NRXN1: variants seen among roughly 807,000 people sequenced by gnomAD.
NRXN1 encodes the protein neurexin 1.
NRXN1 carries 39 observed loss-of-function variants against 150.9 expected under a neutral mutation model. That is an observed-to-expected ratio of 0.26 (90% CI 0.20 to 0.34). The LOEUF is 0.34. NRXN1 is among the 10% of genes least tolerant of loss of function. The pLI, the probability that NRXN1 is intolerant of heterozygous loss-of-function variation, is 1.00. For missense variants in NRXN1, 1,815 were observed against 1,949.9 expected, an observed-to-expected ratio of 0.93 and a Z score of 1.30; for synonymous variants, 924 against 757.0, an observed-to-expected ratio of 1.22 and a Z score of -3.62.
chr2:50,689,517 A>G (rs1691740068), intron 5 of NRXN1, among the ~76,000 whole-genome samples: 1 of 152,188 alleles, frequency 6.6e-6, no homozygotes, highest in Non-Finnish European at 1.5e-5. Context: ...TCAAAGTTAC[A>G]TTCTCTTTGA....
intron 22 of NRXN1, among the ~76,000 whole-genome samples, chr2:49,934,293 T>TTTCCA (rs1670634569): frequency 6.6e-6 from 1 of 152,096 alleles, no homozygotes; most frequent in Admixed American, 6.5e-5. Flanking sequence ...GCTCTGGAAT[T>TTTCCA]GCACAGTGTA....
chr2:50,440,564 A>G (rs1208942564), intron 17 of NRXN1, among the ~76,000 whole-genome samples: 1 of 152,146 alleles, frequency 6.6e-6, no homozygotes, highest in African/African-American at 2.4e-5. Flanking sequence ...GAGGACAAGG[A>G]GGATAAGATA....
In NRXN1 at chr2:50,568,295, G is replaced by C. The variant is rs1670168022; in HGVS notation, c.1321-15270C>G. Among the ~76,000 whole-genome samples, 9 of 152,040 alleles carry C rather than the reference G, an allele frequency of 5.9e-5. No homozygotes were observed. In the South Asian group the frequency reaches 1.9e-3, roughly 32 times the overall value. On this transcript the variant is annotated intron_variant, in intron 8 of 22. Coordinates refer to ENST00000401669, the MANE Select transcript of NRXN1 (RefSeq NM_001330078.2). ...AACCAAAGCAAAAATGGACAAATGG[G>C]ATCACATTAAGTTACAAAGCTTCTG...
chr2:50,937,943 C>A (rs1185296956), intron 2 of NRXN1, among the ~76,000 whole-genome samples: 4 of 152,142 alleles, frequency 2.6e-5, no homozygotes, highest in Non-Finnish European at 5.9e-5. Context: ...CCTAGGCTAT[C>A]TGGTATAGCT....
At chr2:50,137,114 A>T (rs1013967804) in intron 18 of NRXN1, among the ~76,000 whole-genome samples, 1 of 152,216 alleles carries the variant, frequency 6.6e-6, no homozygotes, top group East Asian at 1.9e-4. Flanking sequence ...TTGGGGAAGA[A>T]TGTGAGAATG....
intron 18 of NRXN1, among the ~76,000 whole-genome samples, chr2:50,159,777 T>G (rs199855934): frequency 1.3e-5 from 2 of 152,224 alleles, no homozygotes; most frequent in East Asian, 3.9e-4. Context: ...AGGAAGGATG[T>G]TCCAATGATA....
At chr2:50,182,373 G>C (rs952652029) in intron 18 of NRXN1, among the ~76,000 whole-genome samples, 3 of 152,012 alleles carry the variant, frequency 2.0e-5, no homozygotes, top group Non-Finnish European at 2.9e-5. Context: ...TCCTAGATTA[G>C]TGTCTGCGGG....
intron 17 of NRXN1, among the ~76,000 whole-genome samples, chr2:50,386,557 T>C (rs1434576372): frequency 1.3e-5 from 2 of 151,976 alleles, no homozygotes; most frequent in African/African-American, 4.8e-5. Context: ...TAAGCAAGTA[T>C]GCCCAACAAG....
At chr2:50,095,459 T>C (rs1700093736) in intron 18 of NRXN1, among the ~76,000 whole-genome samples, 1 of 152,184 alleles carries the variant, frequency 6.6e-6, no homozygotes. Context: ...TCTTGCAGTT[T>C]CCTACTTATT....
At chr2:50,636,422 A>G (rs1349967839) in intron 5 of NRXN1, among the ~76,000 whole-genome samples, 8 of 151,934 alleles carry the variant, frequency 5.3e-5, no homozygotes, top group Admixed American at 2.6e-4. Flanking sequence ...GTGATCTCCA[A>G]TGTTTCTTTC....
At chr2:50,369,454 G>A (rs900832662) in intron 17 of NRXN1, among the ~76,000 whole-genome samples, 1 of 151,890 alleles carries the variant, frequency 6.6e-6, no homozygotes. Flanking sequence ...CACATGGATT[G>A]ATCTTACAGG....
chr2:50,645,252 G>GATA (rs1236122842), intron 5 of NRXN1, among the ~76,000 whole-genome samples: 1 of 151,820 alleles, frequency 6.6e-6, no homozygotes, highest in East Asian at 1.9e-4. Context: ...TATTCAAAAT[G>GATA]TGATTCAAAA....
chr2:50,189,616 G>T (rs72887740), intron 18 of NRXN1, among the ~76,000 whole-genome samples: 1 of 152,032 alleles, frequency 6.6e-6, no homozygotes, highest in Non-Finnish European at 1.5e-5. Context: ...GTATATCTTG[G>T]TGGCAAATGA....
At chr2:50,520,621 T>G (rs1374368866) in intron 12 of NRXN1, among the ~76,000 whole-genome samples, 1 of 152,002 alleles carries the variant, frequency 6.6e-6, no homozygotes, top group Non-Finnish European at 1.5e-5. Context: ...TGATTACTTC[T>G]TCACTGCCTA....
intron 5 of NRXN1, among the ~76,000 whole-genome samples, chr2:50,858,769 A>G (rs1037737401): frequency 6.6e-6 from 1 of 152,128 alleles, no homozygotes; most frequent in African/African-American, 2.4e-5. Context: ...TGTAAATGTA[A>G]TATTTGCATT....
intron 18 of NRXN1, among the ~76,000 whole-genome samples, chr2:50,150,958 C>T (rs1046795215): frequency 2.0e-5 from 3 of 151,694 alleles, no homozygotes; most frequent in Non-Finnish European, 4.4e-5. Flanking sequence ...CATCTTTATC[C>T]TGGGATATTT....
chr2:50,283,497 G>C (rs955652758), intron 17 of NRXN1, among the ~76,000 whole-genome samples: 2 of 152,086 alleles, frequency 1.3e-5, no homozygotes, highest in African/African-American at 4.8e-5. Flanking sequence ...AGAATGTTAA[G>C]GCTTGAATTT....
chr2:50,550,232 G>C (rs1357816870), intron 9 of NRXN1, among the ~76,000 whole-genome samples: 1 of 151,790 alleles, frequency 6.6e-6, no homozygotes, highest in African/African-American at 2.4e-5. Context: ...GTTTTGTGTT[G>C]TTTTGTTGTT....
chr2:50,070,064 G>A lies in NRXN1; in HGVS notation c.3719-15020C>T, dbSNP rs181546602. On this transcript the variant is annotated intron_variant, in intron 19 of 22. Coordinates refer to ENST00000401669, the MANE Select transcript of NRXN1 (RefSeq NM_001330078.2). The stretch of plus-strand genomic sequence containing the variant: ...ACGGGTTTTCACCGTGTTAGCCAGG[G>A]TGATTTCGATCTCCTGACCTTGCGA... 7.2e-3 allele frequency among the ~76,000 whole-genome samples: 1,087 copies of A among 151,870 alleles called. 4 individuals are homozygous for A. Among genetic ancestry groups the A allele is most frequent in the Non-Finnish European group, 0.013 (852 of 67,924 alleles).
Sources: gnomAD v4.1 joint callset for allele counts (sites outside exome capture counted in the v4.1 genomes callset) on GRCh38, gnomAD v4.1.1 for gene constraint, MANE v1.5 for transcripts, NCBI Gene and HGNC (gene_info 2026-07-23, HGNC 2026-07-21) for gene names.